MPPED1: variants seen among roughly 807,000 people sequenced by gnomAD.
The protein encoded by MPPED1 is metallophosphoesterase domain containing 1.
MPPED1 carries 16 observed loss-of-function variants against 36.2 expected under a neutral mutation model. The ratio of observed to expected loss-of-function variants is 0.44; its 90% CI spans 0.30 to 0.67. MPPED1 has a LOEUF of 0.67. Among genes scored for constraint, MPPED1 ranks in the 30% least tolerant of loss-of-function variants. The pLI is 0.10. For missense variants in MPPED1, 307 were observed against 453.4 expected, an observed-to-expected ratio of 0.68 and a Z score of 2.93; for synonymous variants, 199 against 191.3, an observed-to-expected ratio of 1.04 and a Z score of -0.33.
chr22:43,433,439 T>C (rs1929836866), intron 2 of MPPED1, among the ~76,000 whole-genome samples: 2 of 32,738 alleles, frequency 6.1e-5, no homozygotes, highest in East Asian at 9.9e-4. Context: ...ATTCAGTGAA[T>C]GAGTGAATGA....
rs538401877 is a variant in MPPED1 at position 43,491,956 on chromosome 22, T to C, written c.633-6279T>C. On this transcript the variant is annotated intron_variant, in intron 4 of 6. Coordinates refer to ENST00000443721, the MANE Select transcript of MPPED1 (RefSeq NM_001044370.2). ...GTGGTGGTCATGATGGAGGCGGTGG[T>C]GATGGAGGTGGTGGTAATGATTGAG... Among the ~76,000 whole-genome samples the C allele has an allele frequency of 2.0e-5, 3 of 148,696 alleles. No individual in the cohort carries two copies. In the East Asian group the frequency reaches 6.0e-4, roughly 30 times the overall value.
intron 4 of MPPED1, among the ~76,000 whole-genome samples, chr22:43,487,518 G>A (rs571052686): frequency 3.9e-5 from 6 of 152,198 alleles, no homozygotes; most frequent in African/African-American, 1.2e-4. Context: ...CATGGGAGGC[G>A]CTGGAGTGGA....
chr22:43,500,836 G>C (rs1158689856), intron 5 of MPPED1, among the ~76,000 whole-genome samples: 1 of 152,104 alleles, frequency 6.6e-6, no homozygotes, highest in African/African-American at 2.4e-5. Flanking sequence ...AGTCAGGAGA[G>C]ATGACTGCTG....
chr22:43,430,174 C>T (rs1042960233), intron 2 of MPPED1, among the ~76,000 whole-genome samples: 2 of 152,178 alleles, frequency 1.3e-5, no homozygotes, highest in Non-Finnish European at 2.9e-5. Flanking sequence ...CTGTCCCTGC[C>T]TGGACCTTCA....
At chr22:43,459,739 A>G (rs1347053425) in intron 3 of MPPED1, among the ~76,000 whole-genome samples, 1 of 152,196 alleles carries the variant, frequency 6.6e-6, no homozygotes. Flanking sequence ...ATGTTCTTGA[A>G]TTCTTTAGAC....
chr22:43,481,430 A>T (rs375186906), intron 4 of MPPED1, among the ~76,000 whole-genome samples: 1 of 152,214 alleles, frequency 6.6e-6, no homozygotes, highest in South Asian at 2.1e-4. Flanking sequence ...AGGGCGTCTG[A>T]GGCTTCATAG....
chr22:43,432,434 G>GGAGAGA (rs1329493096), intron 2 of MPPED1, among the ~76,000 whole-genome samples: 3 of 120,284 alleles, frequency 2.5e-5, no homozygotes, highest in Non-Finnish European at 1.7e-5. Context: ...GAGAAAGGGA[G>GGAGAGA]GAGAGAAAGG....
rs540456831 is a variant in MPPED1 at position 43,445,434 on chromosome 22, G to A, written c.406+10219G>A. Reference sequence around the variant, plus strand: ...AGTTACTCATAAATTTTTAACGTGTGTATCAGACTTAACACAGCCTAAAAT... The same window carrying A: ...AGTTACTCATAAATTTTTAACGTGTATATCAGACTTAACACAGCCTAAAAT... On this transcript the variant is annotated intron_variant, in intron 3 of 6. Coordinates refer to ENST00000443721, the MANE Select transcript of MPPED1 (RefSeq NM_001044370.2). 4.0e-5 allele frequency among the ~76,000 whole-genome samples: 6 copies of A among 151,854 alleles called. No homozygotes were observed. In the East Asian group the frequency reaches 1.2e-3, roughly 29 times the overall value.
chr22:43,485,846 T>C (rs1383591446), intron 4 of MPPED1, among the ~76,000 whole-genome samples: 2 of 152,260 alleles, frequency 1.3e-5, no homozygotes, highest in African/African-American at 2.4e-5. Flanking sequence ...TGCTGCTGAC[T>C]TGCCGTACGC....
intron 3 of MPPED1, among the ~76,000 whole-genome samples, chr22:43,436,560 C>T (rs1476001): frequency 1.3e-5 from 2 of 152,266 alleles, no homozygotes; most frequent in African/African-American, 2.4e-5. Flanking sequence ...AAGTGCAGGC[C>T]GGGGGACAGG....
intron 4 of MPPED1, among the ~76,000 whole-genome samples, chr22:43,483,754 G>C (rs185214928): frequency 1.3e-5 from 2 of 152,322 alleles, no homozygotes; most frequent in Admixed American, 6.5e-5. Context: ...GGCTTAGGGG[G>C]TGTAGCCCAG....
chr22:43,438,570 A>G (rs1002543002), intron 3 of MPPED1, among the ~76,000 whole-genome samples: 1 of 152,128 alleles, frequency 6.6e-6, no homozygotes, highest in African/African-American at 2.4e-5. Context: ...TTGTAGAACC[A>G]GAGTGTACCT....
intron 2 of MPPED1, among the ~76,000 whole-genome samples, chr22:43,432,396 CGGA>C (rs1263997922): frequency 2.6e-5 from 1 of 37,992 alleles, no homozygotes; most frequent in Admixed American, 3.5e-4. Flanking sequence ...GAGAGAGAAA[CGGA>C]GGAGAGAGAG....
rs75256792 is a variant in MPPED1 at position 43,479,178 on chromosome 22, G to A, written c.632+4217G>A. Among the ~76,000 whole-genome samples, 1,327 of 152,326 alleles carry A rather than the reference G, an allele frequency of 8.7e-3. 20 individuals are homozygous for A. Among genetic ancestry groups the A allele is most frequent in the African/African-American group, 0.031 (1,274 of 41,586 alleles). On this transcript the variant is annotated intron_variant, in intron 4 of 6. Transcript: ENST00000443721. ...ATGGCAGCTCATTCGGGGGGTGCAG[G>A]TGATGGAGCTGCTTGTGATCATTGT...
At chr22:43,492,245 C>G (rs776084955) in intron 4 of MPPED1, among the ~76,000 whole-genome samples, 7 of 152,088 alleles carry the variant, frequency 4.6e-5, no homozygotes, top group Admixed American at 2.6e-4. Context: ...AAGTTAAGTT[C>G]TTTGTTCAAG....
At chr22:43,504,964 G>A (rs1017756273) in intron 6 of MPPED1, among the ~76,000 whole-genome samples, 2 of 126,426 alleles carry the variant, frequency 1.6e-5, no homozygotes, top group African/African-American at 5.0e-5. Context: ...CGATGGTGGT[G>A]GTGATGATAA....
rs135076 is a variant in MPPED1, at chr22:43,431,021, A to ATTTTTTTTTTTTTTTTTTTTTTTTTTT, written c.225-4000_225-3974dup. On this transcript the variant is annotated intron_variant, in intron 2 of 6. Transcript: ENST00000443721. Reference sequence around the variant, plus strand: ...CTGTCTCTTTCTACTGTTGTTGTTAATTTTTTTTTTTTTTTTTTTTTTTTT... The same window carrying ATTTTTTTTTTTTTTTTTTTTTTTTTTT: ...CTGTCTCTTTCTACTGTTGTTGTTAATTTTTTTTTTTTTTTTTTTTTTTTTTTTTTTTTTTTTTTTTTTTTTTTTTTT... Among the ~76,000 whole-genome samples, 2 of 42,278 alleles carry ATTTTTTTTTTTTTTTTTTTTTTTTTTT rather than the reference A, an allele frequency of 4.7e-5. 1 individual carries two copies. The highest frequency in any genetic ancestry group is 1.3e-4 in the African/African-American group (2 of 15,244). 27.7% of individuals were successfully genotyped at this position (42,278 alleles called of 152,430 possible).
intron 3 of MPPED1, among the ~76,000 whole-genome samples, chr22:43,470,967 G>A (rs1487828786): frequency 6.6e-6 from 1 of 152,206 alleles, no homozygotes; most frequent in African/African-American, 2.4e-5. Context: ...CCAGCAGGTG[G>A]TGGCTCCTGC....
rs574970133 is a variant in MPPED1, at chr22:43,504,082, AATG to A, written c.862+1335_862+1337del. Among the ~76,000 whole-genome samples, 27 of 152,154 alleles carry A rather than the reference AATG, an allele frequency of 1.8e-4. 2 individuals carry two copies. In the South Asian group the frequency reaches 5.6e-3, roughly 32 times the overall value. On this transcript the variant is annotated intron_variant, in intron 6 of 6. Transcript: ENST00000443721. Reference sequence around the variant, plus strand: ...GTGAGAGGATGGTAGTGATAGTAGTAATGATGATGATGGCCATGTTCACAGTGG... The same window carrying A: ...GTGAGAGGATGGTAGTGATAGTAGTAATGATGATGGCCATGTTCACAGTGG...
Sources: gnomAD v4.1 joint callset for allele counts (sites outside exome capture counted in the v4.1 genomes callset) on GRCh38, gnomAD v4.1.1 for gene constraint, MANE v1.5 for transcripts, NCBI Gene and HGNC (gene_info 2026-07-23, HGNC 2026-07-21) for gene names.